Variants in METTL15 observed in about 807,000 individuals in gnomAD.
METTL15 encodes methyltransferase 15, mitochondrial 12S rRNA N4-cytidine, also known as 12S rRNA N(4)-cytidine methyltransferase METTL15.
In METTL15, 34 loss-of-function variants were observed where a neutral mutation model predicts 38.3. That is an observed-to-expected ratio of 0.89 (90% CI 0.68 to 1.18). METTL15 has a LOEUF of 1.18. METTL15 is among the 50% of genes most tolerant of loss of function. METTL15 has a pLI of 0.00. For synonymous variants in METTL15, 162 were observed against 170.9 expected (o/e 0.95, Z 0.41); for missense variants, 438 against 498.4 (o/e 0.88, Z 1.15).
At chr11:28,394,305 G>A (rs1012406218) in intron 5 of METTL15, among the ~76,000 whole-genome samples, 1 of 152,102 alleles carries the variant, frequency 6.6e-6, no homozygotes, top group Non-Finnish European at 1.5e-5. Context: ...GGGAAGTTAA[G>A]AAGGAGCAGG....
At chr11:28,403,064 G>C (rs1338743240) in intron 5 of METTL15, among the ~76,000 whole-genome samples, 1 of 151,924 alleles carries the variant, frequency 6.6e-6, no homozygotes, top group Admixed American at 6.6e-5. Context: ...TCTGTTCATT[G>C]TTCAGGAGTC....
At chr11:28,219,140 A>T (rs1028041949) in intron 4 of METTL15, among the ~76,000 whole-genome samples, 13 of 152,044 alleles carry the variant, frequency 8.6e-5, no homozygotes, top group Admixed American at 8.5e-4. Flanking sequence ...AATGGTACCA[A>T]CTTCTCCTTG....
At chr11:28,238,946 A>G (rs1332307948) in intron 4 of METTL15, among the ~76,000 whole-genome samples, 1 of 152,030 alleles carries the variant, frequency 6.6e-6, no homozygotes, top group African/African-American at 2.4e-5. Context: ...ATTCCTTCAA[A>G]TGATTTTATT....
At chr11:28,515,202 AT>A in intron 6 of METTL15, among the ~76,000 whole-genome samples, 1 of 152,322 alleles carries the variant, frequency 6.6e-6, no homozygotes, top group Non-Finnish European at 1.5e-5. Flanking sequence ...GAACTGGTAA[AT>A]AGGAGAACCA....
At chr11:28,513,724 G>T (rs1402743850) in intron 6 of METTL15, among the ~76,000 whole-genome samples, 1 of 152,242 alleles carries the variant, frequency 6.6e-6, no homozygotes, top group Non-Finnish European at 1.5e-5. Context: ...GGAAACAAAG[G>T]GATGGGCCGA....
chr11:28,168,782 G>A (rs1369708421), intron 3 of METTL15, among the ~76,000 whole-genome samples: 1 of 151,934 alleles, frequency 6.6e-6, no homozygotes, highest in Non-Finnish European at 1.5e-5. Context: ...ACCAAAAAAT[G>A]GTATTTATCA....
chr11:28,122,162 G>A, intron 3 of METTL15: 1 of 1,238,406 alleles, frequency 8.1e-7, no homozygotes, highest in Non-Finnish European at 1.0e-6. Flanking sequence ...TGAGGAGTGT[G>A]GGAATATGAA....
intron 4 of METTL15, among the ~76,000 whole-genome samples, chr11:28,221,706 G>A (rs1853232088): frequency 6.6e-6 from 1 of 152,148 alleles, no homozygotes; most frequent in Admixed American, 6.5e-5. Context: ...CGTCTTTGAT[G>A]ATGGTGATGT....
chr11:28,378,737 G>A (rs1387747473), intron 5 of METTL15, among the ~76,000 whole-genome samples: 1 of 147,232 alleles, frequency 6.8e-6, no homozygotes, highest in Non-Finnish European at 1.5e-5. Context: ...CTTAGAATGG[G>A]TTTGAAGTAT....
At chr11:28,114,386 G>A (rs1317850480) in intron 3 of METTL15, among the ~76,000 whole-genome samples, 1 of 152,146 alleles carries the variant, frequency 6.6e-6, no homozygotes, top group Non-Finnish European at 1.5e-5. Flanking sequence ...CAAATGATGA[G>A]CATTTATATT....
At chr11:28,192,834 T>C (rs1258297843) in intron 3 of METTL15, among the ~76,000 whole-genome samples, 1 of 152,114 alleles carries the variant, frequency 6.6e-6, no homozygotes, top group Non-Finnish European at 1.5e-5. Context: ...AGTGCCAAGA[T>C]TGAGAAATCC....
chr11:28,251,888 A>G (rs1337005124), intron 4 of METTL15, among the ~76,000 whole-genome samples: 3 of 152,090 alleles, frequency 2.0e-5, no homozygotes, highest in Non-Finnish European at 4.4e-5. Flanking sequence ...GACACTTTGT[A>G]AGTACCCTTA....
chr11:28,264,423 A>G (rs1321584826), intron 4 of METTL15, among the ~76,000 whole-genome samples: 4 of 152,090 alleles, frequency 2.6e-5, no homozygotes, highest in African/African-American at 9.7e-5. Context: ...TTACTCAAAA[A>G]TCAAAGTAGA....
chr11:28,442,157 TG>T (rs1851040266), intron 6 of METTL15, among the ~76,000 whole-genome samples: 1 of 152,214 alleles, frequency 6.6e-6, no homozygotes. Context: ...GGAGAATCAC[TG>T]GACAGTTCCT....
chr11:28,115,540 G>T (rs1035485671), intron 3 of METTL15, among the ~76,000 whole-genome samples: 4 of 152,112 alleles, frequency 2.6e-5, no homozygotes, highest in African/African-American at 9.7e-5. Flanking sequence ...TTACAGGTGT[G>T]AGCCAACACA....
At chr11:28,321,100 A>C (rs896548136) in intron 6 of METTL15, among the ~76,000 whole-genome samples, 1 of 152,158 alleles carries the variant, frequency 6.6e-6, no homozygotes, top group South Asian at 2.1e-4. Flanking sequence ...AGAACCTTTA[A>C]ATTAACATAT....
chr11:28,178,311 G>T (rs1485897987), intron 3 of METTL15, among the ~76,000 whole-genome samples: 1 of 151,878 alleles, frequency 6.6e-6, no homozygotes, highest in Non-Finnish European at 1.5e-5. Flanking sequence ...AGAATACTCT[G>T]CCATAAAAAT....
intron 3 of METTL15, among the ~76,000 whole-genome samples, chr11:28,342,791 C>T (rs1332623169): frequency 2.0e-5 from 3 of 152,150 alleles, no homozygotes; most frequent in African/African-American, 7.2e-5. Flanking sequence ...CTTAATAAAG[C>T]TTTGTGAAAT....
Position 28,233,128 on chromosome 11 carries a change from G to T in METTL15, c.407+21930G>T, listed in dbSNP as rs544620325. On this transcript the variant is annotated intron_variant, in intron 4 of 6. Transcript: ENST00000407364. ...CATGAATATAGTTTTATTTTGAGTG[G>T]CTTAAAATGTACATTTGTATTCTTA... is the stretch of plus-strand genomic sequence containing the variant. Among the ~76,000 whole-genome samples, 4 of 151,944 alleles carry T rather than the reference G, an allele frequency of 2.6e-5. No homozygotes were observed. The East Asian group carries it at 7.7e-4, about 29-fold the overall frequency.
Sources: allele counts gnomAD v4.1 joint callset (sites outside exome capture counted in the v4.1 genomes callset), GRCh38; gene constraint gnomAD v4.1.1; transcripts MANE v1.5; gene names NCBI Gene and HGNC (gene_info 2026-07-23, HGNC 2026-07-21).